The following SGSM1 variants were observed in gnomAD, a reference collection of about 807,000 sequenced individuals.
SGSM1 encodes the protein RUN and TBC1 domain containing 2.
Under a neutral mutation model 133.8 loss-of-function variants are expected in SGSM1, and 73 were observed. That is an observed-to-expected ratio of 0.55 (90% CI 0.45 to 0.66). SGSM1 has a LOEUF of 0.66. SGSM1 is among the 30% of genes least tolerant of loss of function. SGSM1 has a pLI of 0.00. For missense variants in SGSM1, 1,213 were observed against 1,448.1 expected (o/e 0.84, Z 2.64); for synonymous variants, 563 against 573.0 (o/e 0.98, Z 0.25).
In SGSM1 at chr22:24,924,547, G is replaced by A. The variant is rs957534286; in HGVS notation, c.*273G>A. The A allele has an allele frequency of 2.1e-6, 1 of 477,706 alleles. No homozygotes were observed. The highest frequency in any genetic ancestry group is 3.5e-5 in the Admixed American group (1 of 28,972). 29.6% of individuals were successfully genotyped at this position (477,706 alleles called of 1,614,324 possible). A position where few individuals can be genotyped will look rare whatever the true frequency, so the allele number is the denominator to read the frequency against. Reference sequence around the variant, plus strand: ...TTGCAGGAGGTGGAGGTTGTTGGTGGAGGAGGAGCCATCTTTGTTTGCTGG... The same window carrying A: ...TTGCAGGAGGTGGAGGTTGTTGGTGAAGGAGGAGCCATCTTTGTTTGCTGG... On this transcript the variant is annotated 3_prime_UTR_variant, in exon 25 of 25. Transcript: ENST00000400358.
intron 2 of SGSM1, among the ~76,000 whole-genome samples, chr22:24,812,258 G>T (rs565004677): frequency 1.6e-4 from 25 of 152,182 alleles, no homozygotes; most frequent in South Asian, 4.2e-4. Flanking sequence ...TCTGTGCTGG[G>T]CATTGTGCCA....
chr22:24,809,371 T>G (rs1470258643), intron 2 of SGSM1, among the ~76,000 whole-genome samples: 1 of 152,244 alleles, frequency 6.6e-6, no homozygotes, highest in Non-Finnish European at 1.5e-5. Flanking sequence ...CATATCTACA[T>G]GTGTCTGTGT....
intron 8 of SGSM1, among the ~76,000 whole-genome samples, chr22:24,858,367 A>T (rs1407826352): frequency 6.6e-6 from 1 of 152,100 alleles, no homozygotes; most frequent in Admixed American, 6.5e-5. Flanking sequence ...GTAATCCTAG[A>T]ACTTTGGGAG....
rs762736586 is a variant in SGSM1 at position 24,884,105 on chromosome 22, G to C, written c.1548G>C (p.Leu516=). The change falls in exon 15 of 25, where the codon CTG becomes CTC. Residue 516 remains leucine, a synonymous_variant. Transcript: ENST00000400358. ...CCGTGAGAACCCACCTATCAGCCCT[G>C]GTCAATCACATGATCGTGTCTCCAG... ...LSTVRTHLSA[L]VNHMIVSPDL... 1.2e-6 allele frequency: 2 copies of C among 1,613,676 alleles called. No individual in the cohort carries two copies. Among genetic ancestry groups the C allele is most frequent in the East Asian group, 2.2e-5 (1 of 44,862 alleles).
intron 8 of SGSM1, among the ~76,000 whole-genome samples, chr22:24,857,129 T>C (rs1930843005): frequency 1.3e-5 from 2 of 151,060 alleles, no homozygotes; most frequent in African/African-American, 4.9e-5. Context: ...GAGGACCAAG[T>C]GTGGTGGCTC....
Position 24,809,507 on chromosome 22 carries a change from G to A in SGSM1, c.63+3023G>A, listed in dbSNP as rs5752001. Among the ~76,000 whole-genome samples, 86 of 152,372 alleles carry A rather than the reference G, an allele frequency of 5.6e-4. No individual in the cohort carries two copies. In the Middle Eastern group the frequency reaches 0.017, roughly 30 times the overall value. ...GGTTTGCCAGAGCCACTGCAGCCAC[G>A]AAGGGGCCAACAGAGGCTGGGAGCT... On this transcript the variant is annotated intron_variant, in intron 2 of 24. Transcript: ENST00000400358.
In SGSM1 at chr22:24,920,007, TG is replaced by T. The variant is rs1933951286; in HGVS notation, c.3193+18del. 6.3e-7 allele frequency: 1 copy of T among 1,578,770 alleles called. No homozygotes were observed. Among genetic ancestry groups the T allele is most frequent in the African/African-American group, 1.3e-5 (1 of 74,354 alleles). ...AATTCTTTAATGGTACCCACATGAC[TG>T]GGGCCTCATGAGAGGGGTGCAGGCT... On this transcript the variant is annotated intron_variant, in intron 24 of 24. Transcript: ENST00000400358.
At chr22:24,872,776 G>A (rs964904604) in intron 12 of SGSM1, among the ~76,000 whole-genome samples, 71 of 152,182 alleles carry the variant, frequency 4.7e-4, no homozygotes, top group African/African-American at 1.4e-3. Flanking sequence ...AAAACTAGCC[G>A]GGCGTGGTGG....
chr22:24,898,331 G>A lies in SGSM1; in HGVS notation c.2382G>A (p.Glu794=), dbSNP rs1932983655. ...TCCTGGCCAACGAGAGCATGGACGA[G>A]TTCATGTCCATCACGGGCAGCCTGG... ...SDLLANESMD[E]FMSITGSLDM... Residue 794 remains glutamate, a synonymous_variant, in exon 19 of 25, where the codon GAG becomes GAA. Transcript: ENST00000400358. 2 of 1,613,964 alleles carry A rather than the reference G, an allele frequency of 1.2e-6. No individual in the cohort carries two copies. Among genetic ancestry groups the A allele is most frequent in the Non-Finnish European group, 1.7e-6 (2 of 1,179,890 alleles).
At chr22:24,857,188 A>G (rs139692) in intron 8 of SGSM1, among the ~76,000 whole-genome samples, 23,733 of 150,960 alleles carry the variant, frequency 0.16, 3,493 homozygotes, top group African/African-American at 0.39. Context: ...AGGATCACAA[A>G]GTCAAGAGTC....
At chr22:24,817,471 G>A (rs1219698347) in intron 2 of SGSM1, among the ~76,000 whole-genome samples, 5 of 151,958 alleles carry the variant, frequency 3.3e-5, no homozygotes, top group Non-Finnish European at 2.9e-5. Context: ...TCCTGCCTCA[G>A]CCTCCTAAGT....
intron 2 of SGSM1, among the ~76,000 whole-genome samples, chr22:24,820,405 C>T (rs1928398866): frequency 6.6e-6 from 1 of 152,168 alleles, no homozygotes; most frequent in Non-Finnish European, 1.5e-5. Flanking sequence ...TATAGCAAGC[C>T]AGTGAACGAT....
At chr22:24,834,029 T>C (rs563659998) in intron 2 of SGSM1, among the ~76,000 whole-genome samples, 23 of 149,072 alleles carry the variant, frequency 1.5e-4, no homozygotes, top group Admixed American at 6.1e-4. Flanking sequence ...AGAGAACAGA[T>C]GGGGCCCAGT....
At chr22:24,859,611 C>A (rs1427614295) in intron 8 of SGSM1, 105 bp from the exon 9 acceptor site, 1 of 1,501,516 alleles carries the variant, frequency 6.7e-7, no homozygotes. Context: ...GGGATTAACC[C>A]AACCTCTTAG....
intron 2 of SGSM1, among the ~76,000 whole-genome samples, chr22:24,839,274 G>C (rs139656): frequency 0.19 from 29,625 of 152,084 alleles, 3,003 homozygotes; most frequent in Middle Eastern, 0.27. Flanking sequence ...GTGTTGCCCA[G>C]ACTGGTTTCA....
intron 2 of SGSM1, among the ~76,000 whole-genome samples, chr22:24,830,923 A>G (rs1929085402): frequency 1.3e-5 from 2 of 152,076 alleles, no homozygotes; most frequent in South Asian, 4.1e-4. Context: ...GGCTCACTGC[A>G]CTAAAAGCCC....
At chr22:24,892,008 G>A (rs565899916) in intron 16 of SGSM1, among the ~76,000 whole-genome samples, 3 of 152,220 alleles carry the variant, frequency 2.0e-5, no homozygotes, top group East Asian at 1.9e-4. Flanking sequence ...AGCAGTGAGA[G>A]GGGAGGCTGG....
chr22:24,843,251 C>T (rs1373421331), intron 2 of SGSM1, among the ~76,000 whole-genome samples: 2 of 151,658 alleles, frequency 1.3e-5, no homozygotes, highest in Non-Finnish European at 1.5e-5. Context: ...CTGTTCACAG[C>T]GCTGGTGCTG....
At position 24,893,461 on chromosome 22, in the gene SGSM1, C is replaced by G; in HGVS notation, c.1801C>G (p.Gln601Glu). The G allele has an allele frequency of 6.2e-7, 1 of 1,613,902 alleles. No individual in the cohort carries two copies. Among genetic ancestry groups the G allele is most frequent in the South Asian group, 1.1e-5 (1 of 91,080 alleles). The change falls in exon 17 of 25, where the codon CAG becomes GAG. Residue 601 changes from glutamine (Q) to glutamate (E), a missense_variant. Transcript: ENST00000400358. ...VDEQIHACYAQTMAEWLGCEA... is the reference protein window; with the variant it reads ...VDEQIHACYAETMAEWLGCEA... ...CGAGCAGATTCATGCCTGCTATGCA[C>G]AGACCATGGCTGAGTGGCTGGGCTG...
Sources: gnomAD v4.1 joint callset for allele counts (sites outside exome capture counted in the v4.1 genomes callset) on GRCh38, gnomAD v4.1.1 for gene constraint, MANE v1.5 for transcripts, NCBI Gene and HGNC (gene_info 2026-07-23, HGNC 2026-07-21) for gene names.